DISC1: variants seen among roughly 807,000 people sequenced by gnomAD.
DISC1 encodes DISC1 scaffold protein.
Under a neutral mutation model 84.5 loss-of-function variants are expected in DISC1, and 57 were observed. That is an observed-to-expected ratio of 0.67 (90% confidence interval 0.55 to 0.84). The LOEUF (loss-of-function observed/expected upper bound fraction) is 0.84. DISC1 is among the 40% of genes least tolerant of loss of function. The pLI is 0.00. For synonymous variants in DISC1, 411 were observed against 415.2 expected (o/e 0.99, Z 0.12); for missense variants, 1,000 against 1,057.8 (o/e 0.95, Z 0.76).
At chr1:231,942,441 A>T (rs923638520) in intron 9 of DISC1, among the ~76,000 whole-genome samples, 2 of 152,152 alleles carry the variant, frequency 1.3e-5, no homozygotes, top group Admixed American at 1.3e-4. Context: ...AGGCGGGCAG[A>T]TTTACTTGAG....
rs1238085402 is a variant in DISC1, at chr1:231,991,738, C to T, written c.2043-17047C>T. On this transcript the variant is annotated intron_variant, in intron 10 of 12. Transcript: ENST00000439617. The stretch of plus-strand genomic sequence containing the variant: ...TGTGTGTGGTTTATTTGAACATCAA[C>T]AAAAACACAACAGAAAGGGGTAAAA... 2.6e-5 allele frequency among the ~76,000 whole-genome samples: 4 copies of T among 152,036 alleles called. No homozygotes were observed. In the South Asian group the frequency reaches 8.3e-4, roughly 32 times the overall value.
chr1:231,629,188 A>T (rs1405160796), intron 1 of DISC1, among the ~76,000 whole-genome samples: 1 of 152,268 alleles, frequency 6.6e-6, no homozygotes, highest in East Asian at 1.9e-4. Flanking sequence ...CAATTTGCAG[A>T]AAAGTTATTA....
chr1:231,670,430 G>T (rs1243765257), intron 1 of DISC1, among the ~76,000 whole-genome samples: 1 of 152,232 alleles, frequency 6.6e-6, no homozygotes, highest in East Asian at 1.9e-4. Flanking sequence ...TCAAGATTGG[G>T]TTGAAAAGTC....
chr1:231,743,648 A>T lies in DISC1; in HGVS notation c.1118-6278A>T, dbSNP rs10495307. Among the ~76,000 whole-genome samples the T allele has an allele frequency of 4.6e-3, 701 of 152,344 alleles. 5 individuals are homozygous for T. Among genetic ancestry groups the T allele is most frequent in the East Asian group, 0.02 (105 of 5,190 alleles). ...TTTCAGCATTATCCTAGAAGGTCTT[A>T]TCAGGCCAGACTCTACTGCGTATTT... On this transcript the variant is annotated intron_variant, in intron 3 of 12. Transcript: ENST00000439617.
chr1:231,886,790 T>C (rs1463198615), intron 9 of DISC1, among the ~76,000 whole-genome samples: 122 of 139,066 alleles, frequency 8.8e-4, no homozygotes, highest in African/African-American at 2.7e-3. Flanking sequence ...TTTCTTTCTT[T>C]CTTTCTTTCT....
intron 9 of DISC1, among the ~76,000 whole-genome samples, chr1:231,884,182 C>T (rs913380698): frequency 1.3e-5 from 2 of 152,104 alleles, no homozygotes; most frequent in East Asian, 1.9e-4. Context: ...TGGCAACCTC[C>T]GAGTGTGAGA....
chr1:231,816,872 CCTT>C (rs1392758562), intron 8 of DISC1, among the ~76,000 whole-genome samples: 3 of 151,988 alleles, frequency 2.0e-5, no homozygotes, highest in Non-Finnish European at 2.9e-5. Context: ...TCCTCCTCTT[CCTT>C]CTTCTTCTTT....
chr1:231,947,948 T>TCAA (rs1657556260), intron 9 of DISC1, among the ~76,000 whole-genome samples: 1 of 152,102 alleles, frequency 6.6e-6, no homozygotes, highest in South Asian at 2.1e-4. Context: ...CATTAAAAAG[T>TCAA]CAGGAAACAA....
chr1:231,928,381 C>T (rs2090467291), intron 9 of DISC1, among the ~76,000 whole-genome samples: 1 of 152,208 alleles, frequency 6.6e-6, no homozygotes. Context: ...TCTGCATAGG[C>T]ATCCTCAGTA....
intron 3 of DISC1, among the ~76,000 whole-genome samples, chr1:231,745,762 C>A (rs1438112778): frequency 6.6e-6 from 1 of 152,100 alleles, no homozygotes; most frequent in Non-Finnish European, 1.5e-5. Flanking sequence ...GACATCAACC[C>A]TGATACAGTT....
At chr1:231,882,899 C>T (rs114707602) in intron 9 of DISC1, among the ~76,000 whole-genome samples, 1,549 of 151,962 alleles carry the variant, frequency 0.01, 16 homozygotes, top group African/African-American at 0.035. Flanking sequence ...ACGCAGGATA[C>T]AGGGCTGGGC....
chr1:231,846,984 T>A (rs1303910437), intron 9 of DISC1, among the ~76,000 whole-genome samples: 1 of 152,204 alleles, frequency 6.6e-6, no homozygotes, highest in Non-Finnish European at 1.5e-5. Flanking sequence ...TACAGGAGAA[T>A]TTGCTGTTTT....
chr1:231,700,013 C>T (rs576574165), intron 2 of DISC1, among the ~76,000 whole-genome samples: 2 of 152,192 alleles, frequency 1.3e-5, no homozygotes, highest in African/African-American at 4.8e-5. Context: ...CAGACAGCCT[C>T]GTGGTTCACT....
intron 10 of DISC1, among the ~76,000 whole-genome samples, chr1:232,001,507 A>G (rs1277053430): frequency 6.6e-6 from 1 of 152,242 alleles, no homozygotes; most frequent in Non-Finnish European, 1.5e-5. Flanking sequence ...CAGAGCAATT[A>G]TTATGCAAAA....
intron 1 of DISC1, among the ~76,000 whole-genome samples, chr1:231,650,839 T>C (rs954358440): frequency 6.6e-6 from 1 of 152,226 alleles, no homozygotes; most frequent in African/African-American, 2.4e-5. Context: ...TACCCTTTCT[T>C]CCACTTGGTC....
At chr1:231,797,449 GATTAGGGTTCC>G (rs931651866) in intron 7 of DISC1, among the ~76,000 whole-genome samples, 55 of 152,152 alleles carry the variant, frequency 3.6e-4, no homozygotes, top group African/African-American at 1.2e-3. Flanking sequence ...GGAAGTCTGG[GATTAGGGTTCC>G]AGCATGGCTA....
At chr1:231,804,845 C>G (rs141431355) in intron 8 of DISC1, among the ~76,000 whole-genome samples, 82 of 152,204 alleles carry the variant, frequency 5.4e-4, no homozygotes, top group African/African-American at 1.9e-3. Flanking sequence ...TTTTAGGGAG[C>G]CATTACCATG....
At chr1:231,828,748 AAAGAGGATGC>A (rs1358320042) in intron 9 of DISC1, among the ~76,000 whole-genome samples, 1 of 152,162 alleles carries the variant, frequency 6.6e-6, no homozygotes, top group Non-Finnish European at 1.5e-5. Context: ...TTGTACTGAG[AAAGAGGATGC>A]AATTTTACAT....
At chr1:231,899,350 A>T (rs1321209982) in intron 9 of DISC1, among the ~76,000 whole-genome samples, 2 of 152,130 alleles carry the variant, frequency 1.3e-5, no homozygotes, top group Non-Finnish European at 2.9e-5. Flanking sequence ...TTCCCAGGAG[A>T]CACAGATGCT....
Sources: allele counts gnomAD v4.1 joint callset (sites outside exome capture counted in the v4.1 genomes callset), GRCh38; gene constraint gnomAD v4.1.1; transcripts MANE v1.5; gene names NCBI Gene and HGNC (gene_info 2026-07-23, HGNC 2026-07-21).